RHOU: variants seen among roughly 807,000 people sequenced by gnomAD.
The protein encoded by RHOU is ras homolog family member U.
In RHOU, 8 loss-of-function variants were observed where a neutral mutation model predicts 12.6. The observed-to-expected ratio is 0.64, with a 90% CI of 0.37 to 1.15. The LOEUF is 1.15. RHOU is among the 50% of genes most tolerant of loss of function. The pLI is 0.01. For missense variants in RHOU, 258 were observed against 347.0 expected (o/e 0.74, Z 2.04); for synonymous variants, 161 against 147.4 (o/e 1.09, Z -0.67).
At chr1:228,663,625 CTTT>C in the RHOU span, among the ~76,000 whole-genome samples, 164 of 58,712 alleles carry the variant, frequency 2.8e-3, no homozygotes, top group African/African-American at 3.8e-3. Context: ...CTTTTCTTTT[CTTT>C]TTTTTTTTTT....
chr1:228,692,465 C>T, the RHOU span, among the ~76,000 whole-genome samples: 2 of 152,158 alleles, frequency 1.3e-5, no homozygotes, highest in African/African-American at 2.4e-5. Context: ...TTGCCACATA[C>T]CTGTCCCTGC....
the RHOU span, among the ~76,000 whole-genome samples, chr1:228,674,457 C>T: frequency 4.0e-5 from 6 of 151,550 alleles, no homozygotes; most frequent in Admixed American, 1.3e-4. Context: ...AGCGATTCTC[C>T]AGCCTCAGCC....
the RHOU span, among the ~76,000 whole-genome samples, chr1:228,714,893 G>A: frequency 6.6e-6 from 1 of 151,588 alleles, no homozygotes; most frequent in African/African-American, 2.4e-5. Flanking sequence ...ACAGGCACAT[G>A]CCACCACACC....
At chr1:228,730,934 A>C (rs1662483067), upstream of RHOU, among the ~76,000 whole-genome samples, 1 of 152,220 alleles carries the variant, frequency 6.6e-6, no homozygotes, top group African/African-American at 2.4e-5. Flanking sequence ...AGCAGATAAA[A>C]ATTTATTTAT....
chr1:228,717,036 A>C, the RHOU span, among the ~76,000 whole-genome samples: 3 of 152,186 alleles, frequency 2.0e-5, no homozygotes, highest in Non-Finnish European at 4.4e-5. Context: ...CTGAAATGAC[A>C]CTGGCTGCTG....
At chr1:228,682,997 G>A in the RHOU span, among the ~76,000 whole-genome samples, 4 of 152,140 alleles carry the variant, frequency 2.6e-5, no homozygotes, top group African/African-American at 7.2e-5. Flanking sequence ...GCCCCATACT[G>A]TATATCTTCT....
chr1:228,722,597 G>A, the RHOU span, among the ~76,000 whole-genome samples: 14,644 of 151,244 alleles, frequency 0.097, 771 homozygotes, highest in Middle Eastern at 0.22. Context: ...AGTTCGGTTT[G>A]TCAGACCATC....
chr1:228,741,146 C>T (rs558660016), intron 2 of RHOU, among the ~76,000 whole-genome samples: 2 of 152,206 alleles, frequency 1.3e-5, no homozygotes, highest in East Asian at 1.9e-4. Flanking sequence ...AATCCAGTCT[C>T]GTCTCTCTGC....
chr1:228,724,218 A>G, the RHOU span, among the ~76,000 whole-genome samples: 3 of 152,224 alleles, frequency 2.0e-5, no homozygotes, highest in Non-Finnish European at 2.9e-5. Context: ...GAGCAAATCA[A>G]TGCAAATCCT....
At chr1:228,648,707 T>A in the RHOU span, among the ~76,000 whole-genome samples, 2 of 152,186 alleles carry the variant, frequency 1.3e-5, no homozygotes, top group Non-Finnish European at 2.9e-5. Flanking sequence ...ATGCTTTTAC[T>A]TTTTCTTTTT....
the RHOU span, among the ~76,000 whole-genome samples, chr1:228,726,234 C>G: frequency 6.6e-6 from 1 of 152,154 alleles, no homozygotes; most frequent in African/African-American, 2.4e-5. Context: ...AATCAGTGAT[C>G]AAGGGTGCTA....
At chr1:228,705,106 GT>G in the RHOU span, among the ~76,000 whole-genome samples, 294 of 144,138 alleles carry the variant, frequency 2.0e-3, 1 homozygote, top group South Asian at 2.2e-3. Flanking sequence ...CTGGCCAAGA[GT>G]TTTTTTTTTT....
At chr1:228,730,862 C>T (rs1662481518), upstream of RHOU, among the ~76,000 whole-genome samples, 1 of 152,098 alleles carries the variant, frequency 6.6e-6, no homozygotes, top group Admixed American at 6.5e-5. Context: ...TTATCAATAG[C>T]AGGAAAAACA....
the RHOU span, among the ~76,000 whole-genome samples, chr1:228,683,879 G>C: frequency 1.3e-5 from 2 of 152,234 alleles, no homozygotes; most frequent in Non-Finnish European, 2.9e-5. Flanking sequence ...ATGGGAGGGA[G>C]AGGGGTCAGG....
chr1:228,696,529 A>G, the RHOU span, among the ~76,000 whole-genome samples: 1 of 152,000 alleles, frequency 6.6e-6, no homozygotes, highest in Admixed American at 6.6e-5. Context: ...TTATTGTCTA[A>G]CCAAGTGCTT....
chr1:228,662,964 G>A, the RHOU span, among the ~76,000 whole-genome samples: 48 of 152,250 alleles, frequency 3.2e-4, no homozygotes, highest in East Asian at 6.4e-3. Flanking sequence ...TCGGGATCTG[G>A]CTGCTCTTGG....
chr1:228,659,843 G>A, the RHOU span, among the ~76,000 whole-genome samples: 1,342 of 151,738 alleles, frequency 8.8e-3, 18 homozygotes, highest in African/African-American at 0.031. Flanking sequence ...ACGTAGCCGG[G>A]TGTGGTGGCA....
the RHOU span, among the ~76,000 whole-genome samples, chr1:228,676,393 T>C: frequency 1.3e-5 from 2 of 152,200 alleles, no homozygotes; most frequent in Non-Finnish European, 2.9e-5. Context: ...GGCTCATACC[T>C]GTAATCCTAG....
the RHOU span, among the ~76,000 whole-genome samples, chr1:228,690,071 T>C: frequency 1.3e-5 from 2 of 152,166 alleles, no homozygotes; most frequent in African/African-American, 4.8e-5. Context: ...CCCCAAACAA[T>C]ACACTTAAGA....
Sources: gnomAD v4.1 joint callset for allele counts (sites outside exome capture counted in the v4.1 genomes callset) on GRCh38, gnomAD v4.1.1 for gene constraint, MANE v1.5 for transcripts, NCBI Gene and HGNC (gene_info 2026-07-23, HGNC 2026-07-21) for gene names.